Variants in SCAPER observed in about 807,000 individuals in gnomAD.
SCAPER encodes S phase cyclin A-associated protein in the endoplasmic reticulum.
SCAPER carries 98 observed loss-of-function variants against 182.2 expected under a neutral mutation model. That is an observed-to-expected ratio of 0.54 (90% CI 0.46 to 0.64). SCAPER has a LOEUF of 0.64. Among genes scored for constraint, SCAPER ranks in the 30% least tolerant of loss-of-function variants. The pLI is 0.00. For synonymous variants in SCAPER, 605 were observed against 564.6 expected, an observed-to-expected ratio of 1.07 and a Z score of -1.01; for missense variants, 1,432 against 1,690.0, an observed-to-expected ratio of 0.85 and a Z score of 2.68.
In SCAPER at chr15:76,366,091, AC is replaced by A. The variant is rs2041798110; in HGVS notation, c.3855+10070del. Among the ~76,000 whole-genome samples, 9 of 18,220 alleles carry A rather than the reference AC, an allele frequency of 4.9e-4. 1 individual carries two copies. Among genetic ancestry groups the A allele is most frequent in the African/African-American group, 5.5e-4 (8 of 14,572 alleles). The allele number at this position is 18,220 out of a possible 152,430, so 12.0% of individuals were successfully genotyped here. On this transcript the variant is annotated intron_variant, in intron 29 of 31. Coordinates refer to ENST00000563290, the MANE Select transcript of SCAPER (RefSeq NM_020843.4). ...GAACTGATTACTTACACACTTACAC[AC>A]ACACACACACACACACACACACACA...
chr15:76,357,185 CA>C (rs1166863939), intron 29 of SCAPER, among the ~76,000 whole-genome samples: 9 of 151,158 alleles, frequency 6.0e-5, no homozygotes, highest in African/African-American at 1.7e-4. Context: ...CACACACACA[CA>C]CACCCCTATG....
chr15:76,358,581 G>C (rs1259809053), intron 29 of SCAPER, among the ~76,000 whole-genome samples: 1 of 152,198 alleles, frequency 6.6e-6, no homozygotes, highest in African/African-American at 2.4e-5. Context: ...TCCTTGGTGA[G>C]GGCATTTAGA....
chr15:76,623,317 C>T (rs976248114), intron 21 of SCAPER, among the ~76,000 whole-genome samples: 6 of 152,124 alleles, frequency 3.9e-5, no homozygotes, highest in Admixed American at 1.3e-4. Flanking sequence ...AAATTCATTG[C>T]CAAGGCCATT....
intron 29 of SCAPER, among the ~76,000 whole-genome samples, chr15:76,365,306 A>G (rs1459916975): frequency 6.6e-6 from 1 of 152,252 alleles, no homozygotes; most frequent in East Asian, 1.9e-4. Flanking sequence ...GTTCATAGGG[A>G]TGAAAAGCTA....
chr15:76,723,158 C>G (rs964734180), intron 17 of SCAPER, among the ~76,000 whole-genome samples: 2 of 152,070 alleles, frequency 1.3e-5, no homozygotes, highest in Admixed American at 6.6e-5. Flanking sequence ...CAAAGAACAT[C>G]TTTATTTCTG....
intron 25 of SCAPER, among the ~76,000 whole-genome samples, chr15:76,449,072 T>C (rs2048197104): frequency 6.6e-6 from 1 of 152,226 alleles, no homozygotes; most frequent in East Asian, 1.9e-4. Context: ...AGTCTTGGGA[T>C]GGGTAATCTG....
chr15:76,609,349 C>T (rs1214312586), intron 22 of SCAPER, among the ~76,000 whole-genome samples: 1 of 151,136 alleles, frequency 6.6e-6, no homozygotes, highest in Non-Finnish European at 1.5e-5. Flanking sequence ...AAATGCTGGG[C>T]ATGGTGGCGT....
chr15:76,845,420 A>T (rs542362929), intron 4 of SCAPER, among the ~76,000 whole-genome samples: 3 of 152,324 alleles, frequency 2.0e-5, no homozygotes, highest in Non-Finnish European at 4.4e-5. Flanking sequence ...AAGAAGTCAA[A>T]TTATCCTTGT....
intron 23 of SCAPER, among the ~76,000 whole-genome samples, chr15:76,546,769 G>A (rs2045328288): frequency 6.6e-6 from 1 of 152,016 alleles, no homozygotes; most frequent in South Asian, 2.1e-4. Context: ...TAGAACTTAA[G>A]TTTTACGACT....
At chr15:76,560,178 G>T (rs925846132) in intron 23 of SCAPER, among the ~76,000 whole-genome samples, 1 of 152,048 alleles carries the variant, frequency 6.6e-6, no homozygotes, top group Admixed American at 6.6e-5. Context: ...GGTCCTTTGG[G>T]GAAATAATTT....
At chr15:76,859,737 GTTTT>G (rs1279712098) in intron 3 of SCAPER, among the ~76,000 whole-genome samples, 1 of 151,730 alleles carries the variant, frequency 6.6e-6, no homozygotes, top group Non-Finnish European at 1.5e-5. Flanking sequence ...GTTTTGTTTT[GTTTT>G]GTTTTTTTGA....
intron 20 of SCAPER, among the ~76,000 whole-genome samples, chr15:76,684,651 A>G (rs2057924212): frequency 1.3e-5 from 2 of 152,010 alleles, no homozygotes; most frequent in Admixed American, 6.5e-5. Flanking sequence ...ATCAATAACT[A>G]CATGAAAATA....
chr15:76,747,996 C>CCT (rs2061887468), intron 15 of SCAPER, among the ~76,000 whole-genome samples: 1 of 132,434 alleles, frequency 7.6e-6, no homozygotes, highest in Admixed American at 7.8e-5. Flanking sequence ...TTTTTTTTTC[C>CCT]TTTTTTTTTT....
At chr15:76,708,735 T>C (rs181168840) in intron 17 of SCAPER, among the ~76,000 whole-genome samples, 7 of 152,198 alleles carry the variant, frequency 4.6e-5, no homozygotes, top group Admixed American at 4.6e-4. Flanking sequence ...GCTAGACTAA[T>C]AAGAAAGAAA....
chr15:76,783,116 C>T (rs751628813), intron 8 of SCAPER, among the ~76,000 whole-genome samples: 2 of 151,742 alleles, frequency 1.3e-5, no homozygotes, highest in Non-Finnish European at 2.9e-5. Flanking sequence ...AAAAGATCAA[C>T]CAAATTGATA....
chr15:76,602,650 CA>C (rs1351383724), intron 22 of SCAPER, among the ~76,000 whole-genome samples: 1 of 120,962 alleles, frequency 8.3e-6, no homozygotes, highest in African/African-American at 2.5e-5. Context: ...ATGATTGTTT[CA>C]AATACTGCTT....
intron 1 of SCAPER, among the ~76,000 whole-genome samples, chr15:76,898,200 T>C (rs1049633276): frequency 9.2e-5 from 14 of 152,100 alleles, no homozygotes; most frequent in African/African-American, 3.1e-4. Flanking sequence ...AAAGCCACAA[T>C]GAGACATAAC....
chr15:76,603,614 C>A lies in SCAPER; in HGVS notation c.2711+18150G>T, dbSNP rs1356952879. Among the ~76,000 whole-genome samples the A allele has an allele frequency of 5.7e-5, 7 of 122,176 alleles. 2 individuals are homozygous for A. The highest frequency in any genetic ancestry group is 2.2e-4 in the East Asian group (1 of 4,540). The allele number at this position is 122,176 out of a possible 152,430, so 80.2% of individuals were successfully genotyped here. A position where few individuals can be genotyped will look rare whatever the true frequency, so the allele number is the denominator to read the frequency against. On this transcript the variant is annotated intron_variant, in intron 22 of 31. Coordinates refer to ENST00000563290, the MANE Select transcript of SCAPER (RefSeq NM_020843.4). ...CCCTGAGGAATCACCACACTGACTT[C>A]CACAATGGTTGAACTAGTTTGCAGT...
intron 24 of SCAPER, among the ~76,000 whole-genome samples, chr15:76,495,991 G>GAC (rs1393549578): frequency 0.063 from 6,393 of 100,878 alleles, 239 homozygotes; most frequent in Middle Eastern, 0.11. Flanking sequence ...GCAAAAGAGA[G>GAC]AGACACACAC....
Sources: allele counts gnomAD v4.1 joint callset (sites outside exome capture counted in the v4.1 genomes callset), GRCh38; gene constraint gnomAD v4.1.1; transcripts MANE v1.5; gene names NCBI Gene and HGNC (gene_info 2026-07-23, HGNC 2026-07-21).